The following PLEKHS1 variants were observed in gnomAD, a reference collection of about 807,000 sequenced individuals.
PLEKHS1 encodes the protein pleckstrin homology domain-containing family S member 1.
PLEKHS1 carries 55 observed loss-of-function variants against 51.0 expected under a neutral mutation model. The ratio of observed to expected loss-of-function variants is 1.08; its 90% CI spans 0.87 to 1.35. The LOEUF (loss-of-function observed/expected upper bound fraction) is 1.35. Ranked by LOEUF, PLEKHS1 falls within the 40% of genes most tolerant of loss-of-function variation. PLEKHS1 has a pLI of 0.00. For synonymous variants in PLEKHS1, 153 were observed against 144.8 expected (o/e 1.06, Z -0.41); for missense variants, 398 against 423.0 (o/e 0.94, Z 0.52).
chr10:113,778,910 C>T (rs1037145439), intron 11 of PLEKHS1, among the ~76,000 whole-genome samples: 1 of 152,190 alleles, frequency 6.6e-6, no homozygotes, highest in African/African-American at 2.4e-5. Context: ...GGATTACAGG[C>T]GAGAGCCACT....
chr10:113,775,104 T>TA lies in PLEKHS1; in HGVS notation c.989+71dup, dbSNP rs1324763549. ...GCAGCCTCCCTCCCACTTTTTTTTT[T>TA]AACTTAGAATTTAAATTTTAAAGCT... On this transcript the variant is annotated intron_variant, in intron 10 of 11. Transcript: ENST00000361048. 1.3e-5 allele frequency: 17 copies of TA among 1,339,706 alleles called. No homozygotes were observed. In the East Asian group the frequency reaches 1.5e-4, roughly 12 times the overall value. 83.0% of individuals were successfully genotyped at this position (1,339,706 alleles called of 1,614,324 possible).
exon 4 of PLEKHS1, chr10:113,766,642 T>G: frequency 6.2e-7 from 1 of 1,612,234 alleles, no homozygotes; most frequent in Non-Finnish European, 8.5e-7. Flanking sequence ...TTTCATCCTG[T>G]CAAAGGCTGG....
At position 113,762,365 on chromosome 10, in the gene PLEKHS1, C is replaced by CTTTTTTTTTTTTTTTTTTTTTTTTTTTT. The variant is rs34457408; in HGVS notation, c.29-4025_29-4024insTTTTTTTTTTTTTTTTTTTTTTTTTTTT. Among the ~76,000 whole-genome samples, 79 of 61,784 alleles carry CTTTTTTTTTTTTTTTTTTTTTTTTTTTT rather than the reference C, an allele frequency of 1.3e-3. 2 individuals carry two copies. The highest frequency in any genetic ancestry group is 3.0e-3 in the East Asian group (6 of 1,982). 40.5% of individuals were successfully genotyped at this position (61,784 alleles called of 152,430 possible). ...TCCTCTATTGACTTTAGATTTGTTC[C>CTTTTTTTTTTTTTTTTTTTTTTTTTTTT]TTTTTTTTTTTTTTTTTTTTTCAGT... On this transcript the variant is annotated intron_variant, in intron 2 of 11. Coordinates refer to ENST00000361048, the Ensembl canonical transcript of PLEKHS1.
intron 2 of PLEKHS1, chr10:113,765,150 G>A (rs1593021294): frequency 2.4e-6 from 1 of 419,640 alleles, no homozygotes; most frequent in Non-Finnish European, 4.2e-6. Flanking sequence ...ATTTTACCTT[G>A]TTGTTTCCTG....
exon 11 of PLEKHS1, chr10:113,775,851 C>T: frequency 1.2e-6 from 2 of 1,610,454 alleles, no homozygotes; most frequent in African/African-American, 2.7e-5. Flanking sequence ...CTCACAGAAG[C>T]CACAGGACGG....
chr10:113,775,069 T>A, intron 10 of PLEKHS1, 34 bp downstream of exon 10: 1 of 1,527,692 alleles, frequency 6.5e-7, no homozygotes, highest in Non-Finnish European at 9.0e-7. Context: ...TGATGGGCCC[T>A]AAGAGCAAGG....
chr10:113,768,368 C>G (rs1172870875), intron 5 of PLEKHS1, among the ~76,000 whole-genome samples: 1 of 152,128 alleles, frequency 6.6e-6, no homozygotes, highest in Non-Finnish European at 1.5e-5. Flanking sequence ...TCAGATTGAC[C>G]AAAGCTTCCT....
exon 6 of PLEKHS1, chr10:113,768,888 G>A (rs760722586): frequency 6.2e-7 from 1 of 1,611,756 alleles, no homozygotes. Context: ...GCAGAACACA[G>A]AGGTGACTCC....
Position 113,756,841 on chromosome 10 carries a change from G to A in PLEKHS1, c.28+1536G>A, listed in dbSNP as rs1442275078. 3.9e-5 allele frequency among the ~76,000 whole-genome samples: 6 copies of A among 152,010 alleles called. No homozygotes were observed. In the East Asian group the frequency reaches 5.8e-4, roughly 15 times the overall value. On this transcript the variant is annotated intron_variant, in intron 2 of 11. Transcript: ENST00000361048. Reference sequence around the variant, plus strand: ...TGCCAAATTGTGCCAGACCTTGACCGCGTATGACAAGTAACTGTTGAAGCA... The same window carrying A: ...TGCCAAATTGTGCCAGACCTTGACCACGTATGACAAGTAACTGTTGAAGCA...
chr10:113,754,565 C>G (rs867993624), intron 1 of PLEKHS1, among the ~76,000 whole-genome samples: 2 of 152,104 alleles, frequency 1.3e-5, no homozygotes, highest in Non-Finnish European at 2.9e-5. Context: ...CTCCGCCTCC[C>G]GGGTTCAAGC....
At chr10:113,758,415 A>G (rs1470304573) in intron 2 of PLEKHS1, among the ~76,000 whole-genome samples, 1 of 152,152 alleles carries the variant, frequency 6.6e-6, no homozygotes, top group East Asian at 1.9e-4. Flanking sequence ...ATGATCAGTA[A>G]TATTTTGAAA....
intron 2 of PLEKHS1, among the ~76,000 whole-genome samples, chr10:113,757,109 T>G (rs1854156507): frequency 6.6e-6 from 1 of 152,076 alleles, no homozygotes; most frequent in Non-Finnish European, 1.5e-5. Context: ...GATACAGGGT[T>G]TCACCATCGT....
chr10:113,756,447 C>T (rs760460862), intron 2 of PLEKHS1, among the ~76,000 whole-genome samples: 2 of 151,986 alleles, frequency 1.3e-5, no homozygotes, highest in Admixed American at 1.3e-4. Context: ...GGTAACAGAG[C>T]GAGACTCTGT....
rs367689615 is a variant in PLEKHS1, at chr10:113,780,700, G to T, written c.*98G>T. On this transcript the variant is annotated 3_prime_UTR_variant, in exon 12 of 12. Coordinates refer to ENST00000361048, the Ensembl canonical transcript of PLEKHS1. ...AATGCCAAAGTGCTGCACCTTCTCA[G>T]CTGGATAAGCCTAGACTGAACAGAG... 5.6e-6 allele frequency: 9 copies of T among 1,612,224 alleles called. No homozygotes were observed. Among genetic ancestry groups the T allele is most frequent in the East Asian group, 2.2e-5 (1 of 44,872 alleles).
chr10:113,765,645 A>G (rs534594768), intron 2 of PLEKHS1, among the ~76,000 whole-genome samples: 1 of 152,332 alleles, frequency 6.6e-6, no homozygotes, highest in African/African-American at 2.4e-5. Context: ...CAGTTTTAAT[A>G]TTTTCTATAT....
downstream of PLEKHS1, chr10:113,782,787 T>A (rs1254811801): frequency 6.6e-6 from 1 of 152,244 alleles, no homozygotes; most frequent in Non-Finnish European, 1.5e-5. Context: ...TCTTTTCTTA[T>A]AAATTACCTG....
At chr10:113,772,287 A>G (rs563989535) in intron 8 of PLEKHS1, among the ~76,000 whole-genome samples, 198 bp downstream of exon 8, 2 of 152,312 alleles carry the variant, frequency 1.3e-5, no homozygotes, top group Admixed American at 1.3e-4. Flanking sequence ...TGCTGAAGAG[A>G]GATGCTTATA....
intron 2 of PLEKHS1, among the ~76,000 whole-genome samples, chr10:113,761,488 T>C (rs1183594756): frequency 6.6e-6 from 1 of 151,978 alleles, no homozygotes; most frequent in African/African-American, 2.4e-5. Flanking sequence ...ACCAGTCTTT[T>C]TATCTGCCTA....
chr10:113,757,754 G>A (rs1025639735), intron 2 of PLEKHS1, among the ~76,000 whole-genome samples: 15 of 152,116 alleles, frequency 9.9e-5, no homozygotes, highest in Non-Finnish European at 1.8e-4. Flanking sequence ...TATCCACAGT[G>A]GAACTTCTTT....
Sources: allele counts gnomAD v4.1 joint callset (sites outside exome capture counted in the v4.1 genomes callset), GRCh38; gene constraint gnomAD v4.1.1; transcripts MANE v1.5; gene names NCBI Gene and HGNC (gene_info 2026-07-23, HGNC 2026-07-21).